Variants in CINP observed in about 807,000 individuals in gnomAD.
CINP encodes the protein cyclin-dependent kinase 2-interacting protein.
In CINP, 11 loss-of-function variants were observed where a neutral mutation model predicts 20.5. That is an observed-to-expected ratio of 0.54 (90% CI 0.34 to 0.89). The LOEUF (loss-of-function observed/expected upper bound fraction) is 0.89, where lower values mean the gene tolerates loss of function less well. Ranked by LOEUF, CINP falls within the 40% of genes least tolerant of loss-of-function variation. The probability of loss-of-function intolerance (pLI) is 0.02; values close to 1 mark genes in which losing one functional copy is unlikely to be tolerated. For synonymous variants in CINP, 108 were observed against 102.1 expected (o/e 1.06, Z -0.35); for missense variants, 213 against 251.0 (o/e 0.85, Z 1.02).
At chr14:102,359,345 A>G (rs1037638329) in intron 2 of CINP, 74 bp downstream of exon 2, 2 of 1,135,746 alleles carry the variant, frequency 1.8e-6, no homozygotes, top group Non-Finnish European at 2.4e-6. Flanking sequence ...ATTTTATTTT[A>G]AAATTTATTC....
chr14:102,358,615 A>G (rs1264911191), intron 2 of CINP, among the ~76,000 whole-genome samples: 2 of 152,180 alleles, frequency 1.3e-5, no homozygotes, highest in African/African-American at 2.4e-5. Flanking sequence ...TGACAGGCAG[A>G]AGTTAGAGTG....
chr14:102,359,254 G>A (rs1259293092), intron 2 of CINP, among the ~76,000 whole-genome samples, 165 bp downstream of exon 2: 111 of 71,482 alleles, frequency 1.6e-3, no homozygotes, highest in Middle Eastern at 8.1e-3. Flanking sequence ...ATATATATAT[G>A]GAATATAATT....
intron 4 of CINP, 115 bp from the exon 5 acceptor site, chr14:102,348,874 AG>A: frequency 1.2e-6 from 1 of 849,326 alleles, no homozygotes; most frequent in Non-Finnish European, 1.9e-6. Context: ...AACAGCACTG[AG>A]GGGAAGAAGG....
Position 102,355,402 on chromosome 14 carries a change from C to T in CINP, c.306+366G>A, listed in dbSNP as rs191027712. The T allele has an allele frequency of 8.8e-5, 15 of 170,106 alleles. No homozygotes were observed. The East Asian group carries it at 2.3e-3, about 26-fold the overall frequency. 10.5% of individuals were successfully genotyped at this position (170,106 alleles called of 1,614,324 possible). A position where few individuals can be genotyped will look rare whatever the true frequency, so the allele number is the denominator to read the frequency against. ...TGGTGGCGGACGCCTGTAGTCCCAGCTACTCTGGAGGCTGAGACAGGAGAA... is the reference window on the plus strand; with the variant it reads ...TGGTGGCGGACGCCTGTAGTCCCAGTTACTCTGGAGGCTGAGACAGGAGAA... On this transcript the variant is annotated intron_variant, in intron 3 of 4. Transcript: ENST00000216756.
intron 1 of CINP, among the ~76,000 whole-genome samples, chr14:102,360,999 AC>A: frequency 6.6e-6 from 1 of 152,354 alleles, no homozygotes; most frequent in East Asian, 1.9e-4. Flanking sequence ...ACGGACCAGG[AC>A]CGTTTTCATG....
At chr14:102,361,409 G>A (rs1028843098) in intron 1 of CINP, among the ~76,000 whole-genome samples, 8 of 152,214 alleles carry the variant, frequency 5.3e-5, no homozygotes, top group Admixed American at 2.0e-4. Flanking sequence ...GGAGGCCAAG[G>A]CGGGCGGATC....
At chr14:102,359,223 ACTAAATAT>A (rs1465692161) in intron 2 of CINP, among the ~76,000 whole-genome samples, 188 bp downstream of exon 2, 6 of 53,898 alleles carry the variant, frequency 1.1e-4, no homozygotes, top group Non-Finnish European at 2.8e-4. Context: ...TAAATAAATA[ACTAAATAT>A]ATATATATAT....
chr14:102,355,724 T>C (rs1177185061), intron 3 of CINP, 44 bp downstream of exon 3: 1 of 1,606,196 alleles, frequency 6.2e-7, no homozygotes, highest in East Asian at 2.2e-5. Flanking sequence ...GTCCATCGGA[T>C]TCAGTGACAG....
rs143585566 is a variant in CINP, at chr14:102,354,816, T to C, written c.306+952A>G. Reference sequence around the variant, plus strand: ...CAGGTGCGGTGACTCACGCCTGTAATCCCAGCAGTTTGGGAGGCCAAGGCA... The same window carrying C: ...CAGGTGCGGTGACTCACGCCTGTAACCCCAGCAGTTTGGGAGGCCAAGGCA... On this transcript the variant is annotated intron_variant, in intron 3 of 4. Coordinates refer to ENST00000216756, the MANE Select transcript of CINP (RefSeq NM_032630.3). Among the ~76,000 whole-genome samples the C allele has an allele frequency of 1.1e-3, 171 of 152,004 alleles. 1 individual carries two copies. In the East Asian group the frequency reaches 0.015, roughly 14 times the overall value.
At chr14:102,356,799 T>C (rs935324999) in intron 2 of CINP, among the ~76,000 whole-genome samples, 6 of 152,216 alleles carry the variant, frequency 3.9e-5, no homozygotes, top group African/African-American at 1.4e-4. Context: ...CCATGAACCA[T>C]GTGCATATAT....
rs540481441 is a variant in CINP at position 102,348,308 on chromosome 14, C to T, written c.*249G>A. The T allele has an allele frequency of 5.9e-5, 31 of 528,458 alleles. No homozygotes were observed. The highest frequency in any genetic ancestry group is 4.9e-4 in the African/African-American group (26 of 52,946). The allele number at this position is 528,458 out of a possible 1,614,324, so 32.7% of individuals were successfully genotyped here. ...TCTGCTCAGAAACTCATTGATTTTA[C>T]TCTGAAGCACCCACGAATGACAGAT... is the stretch of plus-strand genomic sequence containing the variant. On this transcript the variant is annotated 3_prime_UTR_variant, in exon 5 of 5. Transcript: ENST00000216756.
intron 1 of CINP, among the ~76,000 whole-genome samples, chr14:102,361,056 G>A (rs1016270246): frequency 4.6e-5 from 7 of 152,066 alleles, no homozygotes; most frequent in Admixed American, 3.9e-4. Context: ...AAATGACCAC[G>A]ATCAGTTCAG....
intron 3 of CINP, 29 bp from the exon 4 acceptor site, chr14:102,350,077 A>T (rs1567304458): frequency 6.3e-7 from 1 of 1,584,638 alleles, no homozygotes; most frequent in South Asian, 1.1e-5. Flanking sequence ...GAATATGATA[A>T]TATTATTTGA....
chr14:102,356,677 GTCTC>G (rs748728338), intron 2 of CINP, among the ~76,000 whole-genome samples: 22 of 152,124 alleles, frequency 1.4e-4, no homozygotes, highest in Admixed American at 3.3e-4. Context: ...CTTACTTCAT[GTCTC>G]TCTATCATAT....
chr14:102,349,162 G>C (rs895023239), intron 4 of CINP, among the ~76,000 whole-genome samples: 1 of 152,300 alleles, frequency 6.6e-6, no homozygotes, highest in East Asian at 1.9e-4. Context: ...GCTGAGGCAC[G>C]AGAATCGCTT....
chr14:102,349,636 ATCTGCT>A (rs1470106292), intron 4 of CINP, among the ~76,000 whole-genome samples: 4 of 152,154 alleles, frequency 2.6e-5, no homozygotes, highest in African/African-American at 4.8e-5. Context: ...AATGAGAGAT[ATCTGCT>A]TCCACAGAGG....
chr14:102,348,491 G>T lies in CINP; in HGVS notation c.*66C>A, dbSNP rs1886793547. On this transcript the variant is annotated 3_prime_UTR_variant, in exon 5 of 5. Coordinates refer to ENST00000216756, the MANE Select transcript of CINP (RefSeq NM_032630.3). Reference sequence around the variant, plus strand: ...GTCTGATCCAGGCCTGCGGCACTGGGTCCTAGGCAGACTGTCTGCCTGGTG... The same window carrying T: ...GTCTGATCCAGGCCTGCGGCACTGGTTCCTAGGCAGACTGTCTGCCTGGTG... The T allele has an allele frequency of 2.1e-6, 3 of 1,440,788 alleles. No individual in the cohort carries two copies. The highest frequency in any genetic ancestry group is 2.8e-6 in the Non-Finnish European group (3 of 1,056,002). 89.3% of individuals were successfully genotyped at this position (1,440,788 alleles called of 1,614,324 possible). A position where few individuals can be genotyped will look rare whatever the true frequency, so the allele number is the denominator to read the frequency against.
At chr14:102,349,310 CAGT>C (rs2139623826) in intron 4 of CINP, among the ~76,000 whole-genome samples, 1 of 152,256 alleles carries the variant, frequency 6.6e-6, no homozygotes, top group African/African-American at 2.4e-5. Flanking sequence ...CAGTGATTAT[CAGT>C]AGGAGATTCC....
At chr14:102,349,803 C>A in intron 4 of CINP, 116 bp downstream of exon 4, 1 of 1,265,278 alleles carries the variant, frequency 7.9e-7, no homozygotes, top group Non-Finnish European at 1.1e-6. Context: ...CCTCCCGATA[C>A]TTTTGCATTG....
Sources: gnomAD v4.1 joint callset for allele counts (sites outside exome capture counted in the v4.1 genomes callset) on GRCh38, gnomAD v4.1.1 for gene constraint, MANE v1.5 for transcripts, NCBI Gene and HGNC (gene_info 2026-07-23, HGNC 2026-07-21) for gene names.